Variants in ZNF507 observed in about 807,000 individuals in gnomAD.
ZNF507 encodes the protein zinc finger protein 507.
In ZNF507, 29 loss-of-function variants were observed where a neutral mutation model predicts 80.0. The ratio of observed to expected loss-of-function variants is 0.36; its 90% CI spans 0.27 to 0.49. The LOEUF (loss-of-function observed/expected upper bound fraction) is 0.49. Among genes scored for constraint, ZNF507 ranks in the 20% least tolerant of loss-of-function variants. ZNF507 has a pLI of 0.98. For missense variants in ZNF507, 1,081 were observed against 1,152.2 expected (o/e 0.94, Z 0.90); for synonymous variants, 462 against 422.5 (o/e 1.09, Z -1.15).
intron 2 of ZNF507, among the ~76,000 whole-genome samples, chr19:32,347,814 G>C (rs1019224062): frequency 6.6e-6 from 1 of 152,164 alleles, no homozygotes; most frequent in Non-Finnish European, 1.5e-5. Context: ...GTTAATGTTA[G>C]TTAGACCTTA....
chr19:32,368,078 T>C (rs533679423), intron 5 of ZNF507, among the ~76,000 whole-genome samples: 6 of 152,270 alleles, frequency 3.9e-5, no homozygotes, highest in African/African-American at 1.4e-4. Context: ...TTGCTCCTAA[T>C]AACTGTGTCA....
At chr19:32,367,780 G>C (rs1361683776) in intron 5 of ZNF507, among the ~76,000 whole-genome samples, 1 of 152,132 alleles carries the variant, frequency 6.6e-6, no homozygotes, top group African/African-American at 2.4e-5. Flanking sequence ...TCAGCAGGGG[G>C]AATGACAGTT....
intron 3 of ZNF507, 60 bp downstream of exon 3, chr19:32,355,017 C>G: frequency 1.4e-6 from 2 of 1,434,814 alleles, no homozygotes; most frequent in Non-Finnish European, 1.9e-6. Context: ...GAGAAGGGAA[C>G]TTTGTAGATC....
At chr19:32,356,996 G>A in intron 4 of ZNF507, 1 of 310,288 alleles carries the variant, frequency 3.2e-6, no homozygotes, top group South Asian at 5.6e-5. Flanking sequence ...AGAAGGTGAT[G>A]TACCAGCAAG....
At position 32,382,802 on chromosome 19, in the gene ZNF507, G is replaced by A; in HGVS notation, c.2581G>A (p.Val861Met). The A allele has an allele frequency of 6.2e-7, 1 of 1,614,106 alleles. No individual in the cohort carries two copies. The highest frequency in any genetic ancestry group is 8.5e-7 in the Non-Finnish European group (1 of 1,180,020). The change falls in exon 7 of 7, where the codon GTG (valine) becomes ATG (methionine). Residue 861 changes from valine (V) to methionine (M), a missense_variant. Around this residue, in one of 6 missense-constraint regions of ZNF507, gnomAD observed 138 missense variants for 158.4 expected, o/e 0.87. Coordinates refer to ENST00000355898, the MANE Select transcript of ZNF507 (RefSeq NM_001136156.2). ...DPVTGSSENAVSSSELMSQTP... is the reference protein window; with the variant it reads ...DPVTGSSENAMSSSELMSQTP... ...CGTCACTGGAAGTTCAGAAAATGCA[G>A]TGTCATCTTCAGAACTGATGTCCCA...
At chr19:32,372,638 G>A (rs1417761433) in intron 5 of ZNF507, among the ~76,000 whole-genome samples, 2 of 151,788 alleles carry the variant, frequency 1.3e-5, no homozygotes, top group African/African-American at 4.8e-5. Context: ...GGGGCGTCCT[G>A]GCTTCATAAC....
intron 6 of ZNF507, 35 bp from the exon 7 acceptor site, chr19:32,382,682 T>A: frequency 6.2e-7 from 1 of 1,610,070 alleles, no homozygotes; most frequent in East Asian, 2.2e-5. Context: ...CATTGTAGCC[T>A]CCTCACGGTG....
chr19:32,380,346 AC>A (rs1207748524), intron 5 of ZNF507, among the ~76,000 whole-genome samples: 1 of 151,050 alleles, frequency 6.6e-6, no homozygotes, highest in Non-Finnish European at 1.5e-5. Context: ...ACAGAGCAAG[AC>A]CCTGTCTCAA....
In ZNF507 at chr19:32,383,197, G is replaced by A. The variant is rs759501039; in HGVS notation, c.*114G>A. 2.2e-6 allele frequency: 3 copies of A among 1,395,194 alleles called. No individual in the cohort carries two copies. Among genetic ancestry groups the A allele is most frequent in the Non-Finnish European group, 2.9e-6 (3 of 1,034,908 alleles). 86.4% of individuals were successfully genotyped at this position (1,395,194 alleles called of 1,614,324 possible). A position where few individuals can be genotyped will look rare whatever the true frequency, so the allele number is the denominator to read the frequency against. ...AGAAGAAGTCGTTGATGTGATTTTT[G>A]AGGAAATGACAGATGTGACTTTGGA... On this transcript the variant is annotated 3_prime_UTR_variant, in exon 7 of 7. Coordinates refer to ENST00000355898, the MANE Select transcript of ZNF507 (RefSeq NM_001136156.2).
In ZNF507 at chr19:32,354,877, G is replaced by C. The variant is rs1225202598; in HGVS notation, c.2047G>C (p.Asp683His). 3 of 1,614,174 alleles carry C rather than the reference G, an allele frequency of 1.9e-6. No homozygotes were observed. Among genetic ancestry groups the C allele is most frequent in the Non-Finnish European group, 2.5e-6 (3 of 1,180,032 alleles). Residue 683 changes from aspartate (D) to histidine (H), a missense_variant, in exon 3 of 7, where the codon GAT becomes CAT. By Grantham distance (81) the Asp-to-His change is moderately conservative (BLOSUM62 -1). This residue lies in a region of ZNF507 where 614 missense variants were observed against 583.9 expected (regional missense o/e 1.05). Coordinates refer to ENST00000355898, the MANE Select transcript of ZNF507 (RefSeq NM_001136156.2). Reference protein sequence around the residue: ...ICEHIADNSKDLESHMIHHCK... With the variant: ...ICEHIADNSKHLESHMIHHCK... The stretch of plus-strand genomic sequence containing the variant: ...CGAGCACATAGCGGACAACAGCAAA[G>C]ATTTGGAGAGTCACATGATCCACCA...
rs926312242 is a variant in ZNF507 at position 32,384,587 on chromosome 19, G to A, written c.*1504G>A. 3.9e-5 allele frequency: 6 copies of A among 152,152 alleles called. No homozygotes were observed. Among genetic ancestry groups the A allele is most frequent in the Admixed American group, 3.9e-4 (6 of 15,278 alleles). 9.4% of individuals were successfully genotyped at this position (152,152 alleles called of 1,614,324 possible). A position where few individuals can be genotyped will look rare whatever the true frequency, so the allele number is the denominator to read the frequency against. On this transcript the variant is annotated 3_prime_UTR_variant, in exon 7 of 7. Transcript: ENST00000355898. The stretch of plus-strand genomic sequence containing the variant: ...CTGTAAAGGTTTTCGAATGGGATAC[G>A]CTGTAGGCACGTTTTAAGAAGTATT...
Position 32,383,229 on chromosome 19 carries a change from C to T in ZNF507, c.*146C>T. 2.8e-6 allele frequency: 3 copies of T among 1,067,826 alleles called. No individual in the cohort carries two copies. Among genetic ancestry groups the T allele is most frequent in the Non-Finnish European group, 4.0e-6 (3 of 752,776 alleles). 66.1% of individuals were successfully genotyped at this position (1,067,826 alleles called of 1,614,324 possible). A position where few individuals can be genotyped will look rare whatever the true frequency, so the allele number is the denominator to read the frequency against. ...TGACAGATGTGACTTTGGAACCAAA[C>T]TTGTAATAAAAGGAATTCCAAATGG... On this transcript the variant is annotated 3_prime_UTR_variant, in exon 7 of 7. Transcript: ENST00000355898.
intron 2 of ZNF507, among the ~76,000 whole-genome samples, chr19:32,348,890 G>T (rs190517012): frequency 6.6e-6 from 1 of 152,196 alleles, no homozygotes; most frequent in South Asian, 2.1e-4. Flanking sequence ...TGCTTTTCTG[G>T]TCACTGCTAC....
At chr19:32,381,908 G>A (rs758968964) in intron 5 of ZNF507, 2 of 152,078 alleles carry the variant, frequency 1.3e-5, no homozygotes, top group Non-Finnish European at 2.9e-5. Context: ...TTTACCAAGT[G>A]TACTCAAGTA....
At chr19:32,382,355 A>G (rs1967634160) in intron 5 of ZNF507, 112 bp from the exon 6 acceptor site, 1 of 1,294,790 alleles carries the variant, frequency 7.7e-7, no homozygotes, top group African/African-American at 1.5e-5. Flanking sequence ...GAAATACGAT[A>G]TGTCTAATAA....
At chr19:32,368,216 C>T (rs759913134) in intron 5 of ZNF507, among the ~76,000 whole-genome samples, 6 of 152,100 alleles carry the variant, frequency 3.9e-5, no homozygotes, top group Admixed American at 6.6e-5. Context: ...TTCTGTGGGT[C>T]GGTCAGGAAT....
At position 32,385,912 on chromosome 19, in the gene ZNF507, T is replaced by C. The variant is rs140856186; in HGVS notation, c.*2829T>C. 2.7e-3 allele frequency: 405 copies of C among 152,324 alleles called. 4 individuals are homozygous for C. Among genetic ancestry groups the C allele is most frequent in the African/African-American group, 9.5e-3 (396 of 41,568 alleles). The allele number at this position is 152,324 out of a possible 1,614,324, so 9.4% of individuals were successfully genotyped here. A position where few individuals can be genotyped will look rare whatever the true frequency, so the allele number is the denominator to read the frequency against. On this transcript the variant is annotated 3_prime_UTR_variant, in exon 7 of 7. Coordinates refer to ENST00000355898, the MANE Select transcript of ZNF507 (RefSeq NM_001136156.2). ...TTCTTATTAGACAGAGCTCATAGTA[T>C]TTGTTTTCTGCTCCGAACACTTAAA... is the stretch of plus-strand genomic sequence containing the variant.
chr19:32,349,125 T>C (rs1967131034), intron 2 of ZNF507, among the ~76,000 whole-genome samples: 1 of 152,096 alleles, frequency 6.6e-6, no homozygotes, highest in South Asian at 2.1e-4. Flanking sequence ...TGGAAAGAAA[T>C]AGCCTTCTAT....
chr19:32,347,174 A>G (rs926020253), intron 1 of ZNF507, 71 bp from the exon 2 acceptor site: 5 of 152,520 alleles, frequency 3.3e-5, no homozygotes, highest in African/African-American at 1.2e-4. Flanking sequence ...CTGCCAAAAA[A>G]AAAATCATTA....
Sources: allele counts gnomAD v4.1 joint callset (sites outside exome capture counted in the v4.1 genomes callset), GRCh38; gene constraint gnomAD v4.1.1; regional missense constraint gnomAD v4.1.1; transcripts MANE v1.5; gene names NCBI Gene and HGNC (gene_info 2026-07-23, HGNC 2026-07-21).